Variants in ZNF678 observed in about 807,000 individuals in gnomAD.
ZNF678 encodes zinc finger protein 678, also known as hypothetical protein MGC42493.
In ZNF678, 5 loss-of-function variants were observed where a neutral mutation model predicts 3.0. That is an observed-to-expected ratio of 1.69 (90% CI 0.88 to 3.56). ZNF678 has a LOEUF of 3.56. ZNF678 is among the 30% of genes most tolerant of loss of function. ZNF678 has a pLI of 0.00. For synonymous variants in ZNF678, 218 were observed against 199.6 expected (o/e 1.09, Z -0.78); for missense variants, 593 against 605.0 (o/e 0.98, Z 0.21).
Position 227,598,407 on chromosome 1 carries a change from C to T in ZNF678, c.-164+34683C>T. On this transcript the variant is annotated intron_variant, in intron 1 of 3. Transcript: ENST00000343776. ...CATTGCACTTTCTTTATAAGGGAATCCTGATTTTTCTTAATGTTATGGTGA... is the reference window on the plus strand; with the variant it reads ...CATTGCACTTTCTTTATAAGGGAATTCTGATTTTTCTTAATGTTATGGTGA... 2.1e-6 allele frequency: 3 copies of T among 1,438,236 alleles called. 1 individual carries two copies. The South Asian group carries it at 4.3e-5, about 20-fold the overall frequency. 89.1% of individuals were successfully genotyped at this position (1,438,236 alleles called of 1,614,324 possible).
In ZNF678 at chr1:227,660,203, AG is replaced by A. The variant is rs1225830441; in HGVS notation, c.*4376del. 1.3e-5 allele frequency: 2 copies of A among 151,684 alleles called. No homozygotes were observed. Among genetic ancestry groups the A allele is most frequent in the African/African-American group, 4.8e-5 (2 of 41,290 alleles). 9.4% of individuals were successfully genotyped at this position (151,684 alleles called of 1,614,324 possible). The stretch of plus-strand genomic sequence containing the variant: ...AGCTTTGCAGTATATTTGACTGTCA[AG>A]TAGTGCAGTGCTTCCAACCTTCAGA... On this transcript the variant is annotated 3_prime_UTR_variant, in exon 4 of 4. Transcript: ENST00000343776.
chr1:227,672,783 G>A (rs370922221), intron 5 of ZNF678, among the ~76,000 whole-genome samples: 7 of 152,078 alleles, frequency 4.6e-5, no homozygotes, highest in Admixed American at 1.3e-4. Context: ...GATTGTCTCC[G>A]AAAATTATTG....
intron 1 of ZNF678, among the ~76,000 whole-genome samples, chr1:227,625,887 G>C (rs1658400653): frequency 1.3e-5 from 2 of 152,146 alleles, no homozygotes; most frequent in African/African-American, 2.4e-5. Context: ...GGACAAGTAG[G>C]ATTATTTTCC....
At chr1:227,587,901 A>G (rs1202419158) in intron 1 of ZNF678, among the ~76,000 whole-genome samples, 4 of 148,978 alleles carry the variant, frequency 2.7e-5, no homozygotes, top group Non-Finnish European at 4.4e-5. Context: ...GATGTGTGCC[A>G]TAGTGGTTTA....
rs1658733174 is a variant in ZNF678, at chr1:227,638,321, G to A, written c.-163-8223G>A. ...GGGTCAGGAACTACTAGACAGCTTG[G>A]TTAATGAGCCTGAGGTCCTGAACTA... On this transcript the variant is annotated intron_variant, in intron 1 of 3. Transcript: ENST00000343776. This position sits in a 1 kb window ranked among gnomAD's most constrained non-coding sequence, Gnocchi z 4.2. Among the ~76,000 whole-genome samples the A allele has an allele frequency of 6.6e-6, 1 of 152,212 alleles. No homozygotes were observed. Among genetic ancestry groups the A allele is most frequent in the Non-Finnish European group, 1.5e-5 (1 of 68,032 alleles).
chr1:227,603,432 A>G (rs1657785179), intron 1 of ZNF678, among the ~76,000 whole-genome samples: 1 of 152,162 alleles, frequency 6.6e-6, no homozygotes, highest in Admixed American at 6.5e-5. Context: ...CAAACTTGGC[A>G]TGTAGATGCT....
chr1:227,629,751 G>A (rs548042963), intron 1 of ZNF678, among the ~76,000 whole-genome samples: 1 of 152,286 alleles, frequency 6.6e-6, no homozygotes, highest in East Asian at 1.9e-4. Flanking sequence ...GGTGCGGTGG[G>A]CCTTCCAGTG....
At chr1:227,603,550 T>C (rs1657788614) in intron 1 of ZNF678, among the ~76,000 whole-genome samples, 1 of 152,186 alleles carries the variant, frequency 6.6e-6, no homozygotes, top group Non-Finnish European at 1.5e-5. Context: ...CTCCAGGTGC[T>C]GTAGTCCTGC....
At position 227,612,071 on chromosome 1, in the gene ZNF678, GCTGGAAAGCTATTGCAC is replaced by G. The variant is rs1443150367; in HGVS notation, c.-163-34472_-163-34456del. The stretch of plus-strand genomic sequence containing the variant: ...TTAGCTAGCTGGGTCCTTTCCAACA[GCTGGAAAGCTATTGCAC>G]TGCTGCAGCAGGGGTGTACCTACTT... On this transcript the variant is annotated intron_variant, in intron 1 of 3. Transcript: ENST00000343776. Among the ~76,000 whole-genome samples the G allele has an allele frequency of 3.9e-5, 6 of 152,166 alleles. No individual in the cohort carries two copies. In the East Asian group the frequency reaches 1.2e-3, roughly 29 times the overall value.
chr1:227,596,034 A>G (rs921745059), intron 1 of ZNF678, among the ~76,000 whole-genome samples: 3 of 152,198 alleles, frequency 2.0e-5, no homozygotes, highest in Non-Finnish European at 4.4e-5. Context: ...TCCAAGTACT[A>G]GTTCCTTCCC....
chr1:227,646,308 A>C (rs1443763316), intron 1 of ZNF678, among the ~76,000 whole-genome samples: 2 of 152,220 alleles, frequency 1.3e-5, no homozygotes, highest in African/African-American at 2.4e-5. Context: ...TGGCGCCCTT[A>C]GTTTTATACT....
At chr1:227,597,959 A>G (rs1657636911) in intron 1 of ZNF678, among the ~76,000 whole-genome samples, 1 of 152,208 alleles carries the variant, frequency 6.6e-6, no homozygotes, top group Non-Finnish European at 1.5e-5. Context: ...CTCCTTCCCC[A>G]GGTAAATAAA....
intron 5 of ZNF678, among the ~76,000 whole-genome samples, chr1:227,675,490 C>A (rs1659664152): frequency 2.0e-5 from 3 of 152,034 alleles, no homozygotes; most frequent in Admixed American, 6.6e-5. Context: ...ATATGTTGCC[C>A]AAAATGAACT....
chr1:227,585,747 A>C (rs747255093), intron 1 of ZNF678, among the ~76,000 whole-genome samples: 4 of 151,984 alleles, frequency 2.6e-5, no homozygotes, highest in Non-Finnish European at 4.4e-5. Flanking sequence ...ACTGCACTCC[A>C]GCCTGGTGAC....
At chr1:227,605,570 G>A (rs1657844018) in intron 1 of ZNF678, among the ~76,000 whole-genome samples, 1 of 152,146 alleles carries the variant, frequency 6.6e-6, no homozygotes, top group Admixed American at 6.5e-5. Context: ...TTATATAGGT[G>A]CCCTTTAACA....
intron 3 of ZNF678, among the ~76,000 whole-genome samples, chr1:227,654,045 G>T (rs1659152161): frequency 6.6e-6 from 1 of 152,020 alleles, no homozygotes; most frequent in South Asian, 2.1e-4. Context: ...TATTGGGGTG[G>T]AAGAAAGGCT....
At chr1:227,567,798 T>G (rs930564254) in intron 1 of ZNF678, among the ~76,000 whole-genome samples, 1 of 152,096 alleles carries the variant, frequency 6.6e-6, no homozygotes, top group Non-Finnish European at 1.5e-5. Flanking sequence ...TACTTTAAGT[T>G]TTAGGGTACA....
At chr1:227,629,183 C>T (rs78219834) in intron 1 of ZNF678, among the ~76,000 whole-genome samples, 1 of 152,060 alleles carries the variant, frequency 6.6e-6, no homozygotes, top group Non-Finnish European at 1.5e-5. Context: ...TCTTGTGCCT[C>T]GGGTCTAAGG....
chr1:227,634,812 C>T (rs994049216), intron 1 of ZNF678, among the ~76,000 whole-genome samples: 13 of 152,230 alleles, frequency 8.5e-5, no homozygotes, highest in African/African-American at 3.1e-4. Context: ...GGGAAGAACA[C>T]AGGCCTGGCT....
Sources: allele counts gnomAD v4.1 joint callset (sites outside exome capture counted in the v4.1 genomes callset), GRCh38; gene constraint gnomAD v4.1.1; non-coding constraint Gnocchi (gnomAD v3.1); transcripts MANE v1.5; gene names NCBI Gene and HGNC (gene_info 2026-07-23, HGNC 2026-07-21).